Variants in DGKB observed in about 807,000 individuals in gnomAD.
DGKB encodes the protein 90 kDa diacylglycerol kinase.
DGKB carries 67 observed loss-of-function variants against 114.3 expected under a neutral mutation model. The ratio of observed to expected loss-of-function variants is 0.59; its 90% CI spans 0.48 to 0.72. DGKB has a LOEUF of 0.72. Ranked by LOEUF, DGKB falls within the 30% of genes least tolerant of loss-of-function variation. DGKB has a pLI of 0.00. For missense variants in DGKB, 907 were observed against 975.2 expected, an observed-to-expected ratio of 0.93 and a Z score of 0.93; for synonymous variants, 398 against 323.1, an observed-to-expected ratio of 1.23 and a Z score of -2.49.
intron 21 of DGKB, among the ~76,000 whole-genome samples, chr7:14,459,695 T>G (rs573105252): frequency 2.8e-4 from 42 of 152,234 alleles, no homozygotes; most frequent in African/African-American, 8.7e-4. Context: ...CCAGAAGAAC[T>G]TCACCAACCT....
chr7:14,705,037 T>C (rs1480444181), intron 6 of DGKB, among the ~76,000 whole-genome samples: 2 of 149,492 alleles, frequency 1.3e-5, no homozygotes, highest in East Asian at 2.0e-4. Flanking sequence ...CGGGAGGACA[T>C]TCAAACCAAA....
chr7:14,443,046 T>C (rs954517215), intron 21 of DGKB, among the ~76,000 whole-genome samples: 1 of 152,204 alleles, frequency 6.6e-6, no homozygotes, highest in Non-Finnish European at 1.5e-5. Context: ...GCCAATCTTG[T>C]TTTATAATTG....
At chr7:14,304,008 G>A (rs1226032821) in intron 23 of DGKB, among the ~76,000 whole-genome samples, 1 of 146,370 alleles carries the variant, frequency 6.8e-6, no homozygotes, top group East Asian at 2.1e-4. Flanking sequence ...ATTTTTTAAT[G>A]TTACCTGTCT....
intron 21 of DGKB, among the ~76,000 whole-genome samples, chr7:14,417,518 T>C (rs1233966800): frequency 1.3e-5 from 2 of 151,998 alleles, no homozygotes; most frequent in Non-Finnish European, 2.9e-5. Flanking sequence ...TTATCTCAAC[T>C]GGGAAAAATT....
intron 20 of DGKB, among the ~76,000 whole-genome samples, chr7:14,545,333 C>T (rs913555135): frequency 3.3e-5 from 5 of 152,060 alleles, no homozygotes; most frequent in Non-Finnish European, 7.4e-5. Context: ...AGTGTTCGAC[C>T]ATGTTCCTGA....
chr7:14,367,266 TCTCATCTTGAATTGTAG>T (rs1816832383), intron 21 of DGKB, among the ~76,000 whole-genome samples: 1 of 152,102 alleles, frequency 6.6e-6, no homozygotes, highest in Non-Finnish European at 1.5e-5. Flanking sequence ...CTCACCCAAA[TCTCATCTTGAATTGTAG>T]CTCCCGTAAT....
intron 20 of DGKB, among the ~76,000 whole-genome samples, chr7:14,558,736 G>T (rs1432772576): frequency 6.6e-6 from 1 of 152,170 alleles, no homozygotes; most frequent in Non-Finnish European, 1.5e-5. Context: ...CACCTGCTCA[G>T]CAATTTTATG....
intron 7 of DGKB, among the ~76,000 whole-genome samples, chr7:14,701,222 G>T (rs9639213): frequency 6.6e-6 from 1 of 151,916 alleles, no homozygotes; most frequent in Non-Finnish European, 1.5e-5. Context: ...TATTTCAGCC[G>T]CATATAGGAC....
chr7:14,373,474 A>G (rs1817999290), intron 21 of DGKB, among the ~76,000 whole-genome samples: 1 of 152,182 alleles, frequency 6.6e-6, no homozygotes, highest in Non-Finnish European at 1.5e-5. Flanking sequence ...TATTCCGTAC[A>G]GTGAGTTCTT....
chr7:14,609,838 T>C (rs1324028841), intron 16 of DGKB, among the ~76,000 whole-genome samples: 1 of 152,022 alleles, frequency 6.6e-6, no homozygotes, highest in Non-Finnish European at 1.5e-5. Context: ...CTCACGCCAA[T>C]CAGAATGGCT....
chr7:14,832,066 T>C (rs896205802), intron 2 of DGKB, among the ~76,000 whole-genome samples: 1 of 152,116 alleles, frequency 6.6e-6, no homozygotes, highest in African/African-American at 2.4e-5. Context: ...CATATGGTGG[T>C]TTGCAGTTTA....
chr7:14,213,319 T>C (rs1788440279), intron 23 of DGKB, among the ~76,000 whole-genome samples: 1 of 152,094 alleles, frequency 6.6e-6, no homozygotes, highest in Admixed American at 6.6e-5. Context: ...TATTCAAGCA[T>C]GGCTCCTTAT....
intron 1 of DGKB, among the ~76,000 whole-genome samples, chr7:14,861,984 A>G (rs898069144): frequency 3.9e-5 from 6 of 152,022 alleles, no homozygotes; most frequent in African/African-American, 1.4e-4. Context: ...TTATATGACC[A>G]CCAGCACTTA....
intron 1 of DGKB, among the ~76,000 whole-genome samples, chr7:14,860,535 T>C (rs759574148): frequency 6.6e-6 from 1 of 152,012 alleles, no homozygotes; most frequent in Non-Finnish European, 1.5e-5. Context: ...TTTACTGTAA[T>C]TTCCCAAAGA....
chr7:14,397,886 TC>T (rs1294315720), intron 21 of DGKB, among the ~76,000 whole-genome samples: 1 of 152,106 alleles, frequency 6.6e-6, no homozygotes, highest in African/African-American at 2.4e-5. Flanking sequence ...GCTCAACAAT[TC>T]GGCTTTATTT....
At chr7:14,707,102 C>T (rs1464189944) in intron 6 of DGKB, among the ~76,000 whole-genome samples, 6 of 135,568 alleles carry the variant, frequency 4.4e-5, no homozygotes, top group African/African-American at 1.1e-4. Context: ...AGAGAAGAAT[C>T]AAATAGACGC....
intron 3 of DGKB, among the ~76,000 whole-genome samples, chr7:14,756,242 A>C (rs1286737573): frequency 1.3e-5 from 2 of 152,006 alleles, no homozygotes; most frequent in African/African-American, 4.8e-5. Flanking sequence ...TGTGAATATA[A>C]ATATTAATGA....
intron 13 of DGKB, among the ~76,000 whole-genome samples, chr7:14,630,796 T>C (rs1809531348): frequency 6.6e-6 from 1 of 151,954 alleles, no homozygotes; most frequent in South Asian, 2.1e-4. Context: ...GAATTTTACT[T>C]GAGAGTAATT....
At chr7:14,611,543 G>A (rs1805543357) in intron 16 of DGKB, among the ~76,000 whole-genome samples, 1 of 152,120 alleles carries the variant, frequency 6.6e-6, no homozygotes. Flanking sequence ...TGTTTGCATT[G>A]AAAACAGATC....
Sources: gnomAD v4.1 joint callset for allele counts (sites outside exome capture counted in the v4.1 genomes callset) on GRCh38, gnomAD v4.1.1 for gene constraint, MANE v1.5 for transcripts, NCBI Gene and HGNC (gene_info 2026-07-23, HGNC 2026-07-21) for gene names.